SYT9: variants seen among roughly 807,000 people sequenced by gnomAD.
SYT9 encodes the protein synaptotagmin-9.
SYT9 carries 22 observed loss-of-function variants against 48.4 expected under a neutral mutation model. The ratio of observed to expected loss-of-function variants is 0.45; its 90% CI spans 0.32 to 0.65. The LOEUF is 0.65. Among genes scored for constraint, SYT9 ranks in the 30% least tolerant of loss-of-function variants. The pLI is 0.03. For missense variants in SYT9, 577 were observed against 622.0 expected (o/e 0.93, Z 0.77); for synonymous variants, 265 against 245.0 (o/e 1.08, Z -0.76).
chr11:7,438,370 GC>G, intron 6 of SYT9: 1 of 152,286 alleles, frequency 6.6e-6, no homozygotes, highest in East Asian at 1.9e-4. Flanking sequence ...GCACATCAGG[GC>G]CCCATCTCAT....
chr11:7,274,862 G>C (rs547357873), intron 1 of SYT9, among the ~76,000 whole-genome samples: 189 of 152,160 alleles, frequency 1.2e-3, no homozygotes, highest in Middle Eastern at 3.4e-3. Context: ...CCTAGCAGTG[G>C]GTCCCCAACC....
At chr11:7,281,773 G>T (rs748271756) in intron 1 of SYT9, among the ~76,000 whole-genome samples, 1 of 152,150 alleles carries the variant, frequency 6.6e-6, no homozygotes, top group Non-Finnish European at 1.5e-5. Context: ...TAGAATTTTT[G>T]GATGGTAATA....
chr11:7,455,110 AAG>A (rs892940446), intron 6 of SYT9, among the ~76,000 whole-genome samples: 2 of 152,154 alleles, frequency 1.3e-5, no homozygotes, highest in African/African-American at 4.8e-5. Flanking sequence ...ATATCAATAA[AAG>A]CCTCTAAACC....
At chr11:7,392,468 A>G (rs76260950) in intron 3 of SYT9, among the ~76,000 whole-genome samples, 4,606 of 152,094 alleles carry the variant, frequency 0.03, 219 homozygotes, top group African/African-American at 0.11. Flanking sequence ...CTGTATGTCT[A>G]TTGTTCTACC....
chr11:7,391,319 C>T (rs1331691259), intron 3 of SYT9, among the ~76,000 whole-genome samples: 1 of 151,998 alleles, frequency 6.6e-6, no homozygotes, highest in Non-Finnish European at 1.5e-5. Context: ...TGGGTATATA[C>T]CCATAAGTGA....
chr11:7,342,022 G>A (rs1849722413), intron 3 of SYT9, among the ~76,000 whole-genome samples: 1 of 152,118 alleles, frequency 6.6e-6, no homozygotes, highest in African/African-American at 2.4e-5. Flanking sequence ...CTTATTCACT[G>A]CCATGAGAAC....
intron 1 of SYT9, among the ~76,000 whole-genome samples, chr11:7,262,279 A>C (rs1274056344): frequency 6.6e-6 from 1 of 152,168 alleles, no homozygotes; most frequent in Non-Finnish European, 1.5e-5. Context: ...AATGACCAGC[A>C]GCTCAGTTCT....
intron 3 of SYT9, among the ~76,000 whole-genome samples, chr11:7,325,525 G>T (rs1849416483): frequency 3.9e-5 from 1 of 25,846 alleles, no homozygotes; most frequent in African/African-American, 1.8e-4. Flanking sequence ...GAGACGATGG[G>T]GTTTTCTAGA....
intron 3 of SYT9, among the ~76,000 whole-genome samples, chr11:7,386,969 TA>T (rs1850673270): frequency 6.6e-6 from 1 of 152,116 alleles, no homozygotes; most frequent in African/African-American, 2.4e-5. Flanking sequence ...TATGCAGCCA[TA>T]AAAAATGATG....
intron 1 of SYT9, among the ~76,000 whole-genome samples, chr11:7,293,365 T>C (rs577280078): frequency 1.3e-5 from 2 of 152,236 alleles, no homozygotes; most frequent in East Asian, 3.9e-4. Flanking sequence ...GGCAGCAGAG[T>C]GCTCTGTTTA....
intron 1 of SYT9, among the ~76,000 whole-genome samples, chr11:7,292,532 C>T (rs1848713194): frequency 6.6e-6 from 1 of 152,230 alleles, no homozygotes; most frequent in African/African-American, 2.4e-5. Context: ...TCCCATTCCC[C>T]TCCAACTCCA....
At chr11:7,465,427 G>A (rs1006717395) in intron 6 of SYT9, among the ~76,000 whole-genome samples, 3 of 152,170 alleles carry the variant, frequency 2.0e-5, no homozygotes, top group Admixed American at 1.3e-4. Flanking sequence ...TATAGTTTAC[G>A]TGTAAATTTT....
intron 6 of SYT9, among the ~76,000 whole-genome samples, chr11:7,432,564 AAAAAAAAAAAAAAAAAAAATATATATAC>A (rs1847603041): frequency 6.0e-4 from 7 of 11,606 alleles, no homozygotes; most frequent in African/African-American, 2.5e-3. Flanking sequence ...AAAAAAAAAA[AAAAAAAAAAAAAAAAAAAATATATATAC>A]ATATATATAT....
intron 6 of SYT9, among the ~76,000 whole-genome samples, chr11:7,432,555 A>G: frequency 1.7e-4 from 1 of 5,902 alleles, no homozygotes; most frequent in Admixed American, 2.0e-3. Context: ...CTCAAAAAAA[A>G]AAAAAAAAAA....
At chr11:7,254,448 C>T (rs970894453) in intron 1 of SYT9, among the ~76,000 whole-genome samples, 1 of 152,150 alleles carries the variant, frequency 6.6e-6, no homozygotes, top group Admixed American at 6.5e-5. Flanking sequence ...CCTTGCCTTG[C>T]CGACATTAAT....
intron 3 of SYT9, among the ~76,000 whole-genome samples, chr11:7,414,445 G>A (rs896236495): frequency 1.3e-5 from 2 of 152,196 alleles, no homozygotes; most frequent in South Asian, 4.1e-4. Context: ...CAGGAGGCTG[G>A]GTCAATCCTT....
intron 3 of SYT9, among the ~76,000 whole-genome samples, chr11:7,340,522 T>C (rs1271893022): frequency 6.6e-6 from 1 of 152,180 alleles, no homozygotes; most frequent in African/African-American, 2.4e-5. Context: ...TGCTTCTGAT[T>C]GAAGTGGTCA....
intron 1 of SYT9, among the ~76,000 whole-genome samples, chr11:7,270,832 G>GACACACACACACAC (rs56891844): frequency 0.011 from 1,582 of 147,262 alleles, 12 homozygotes; most frequent in Non-Finnish European, 0.016. Context: ...ACAAGACACA[G>GACACACACACACAC]ACACACACAC....
rs192211114 is a variant in SYT9 at position 7,454,103 on chromosome 11, C to G, written c.1468-12689C>G. On this transcript the variant is annotated intron_variant, in intron 6 of 6. Coordinates refer to ENST00000318881, the MANE Select transcript of SYT9 (RefSeq NM_175733.4). ...GCCCCTTTTCTGACATTGCTGCTCC[C>G]CAGTCACTTTTCTTTCCTTTCCTTG... 8 of 985,442 alleles carry G rather than the reference C, an allele frequency of 8.1e-6. No individual in the cohort carries two copies. The East Asian group carries it at 5.7e-4, about 70-fold the overall frequency. 61.0% of individuals were successfully genotyped at this position (985,442 alleles called of 1,614,324 possible).
Sources: allele counts gnomAD v4.1 joint callset (sites outside exome capture counted in the v4.1 genomes callset), GRCh38; gene constraint gnomAD v4.1.1; transcripts MANE v1.5; gene names NCBI Gene and HGNC (gene_info 2026-07-23, HGNC 2026-07-21).